Variants in PHF20 observed in about 807,000 individuals in gnomAD.
PHF20 encodes glioma-expressed antigen 2.
Under a neutral mutation model 113.5 loss-of-function variants are expected in PHF20, and 23 were observed. That is an observed-to-expected ratio of 0.20 (90% CI 0.15 to 0.29). The LOEUF is 0.29. Ranked by LOEUF, PHF20 falls within the 10% of genes least tolerant of loss-of-function variation. PHF20 has a pLI of 1.00. For synonymous variants in PHF20, 434 were observed against 457.3 expected (o/e 0.95, Z 0.65); for missense variants, 943 against 1,219.6 (o/e 0.77, Z 3.38).
At chr20:35,856,989 G>C (rs2042840245) in intron 4 of PHF20, among the ~76,000 whole-genome samples, 1 of 152,166 alleles carries the variant, frequency 6.6e-6, no homozygotes, top group Admixed American at 6.5e-5. Flanking sequence ...TTGAGGACTG[G>C]CGGTGGAGGG....
intron 6 of PHF20, among the ~76,000 whole-genome samples, chr20:35,867,243 G>A (rs923682640): frequency 1.3e-5 from 2 of 151,824 alleles, no homozygotes; most frequent in Non-Finnish European, 2.9e-5. Context: ...TATTTAGAGA[G>A]GGTTGTTTAT....
chr20:35,825,282 TG>T (rs1287231352), intron 2 of PHF20, among the ~76,000 whole-genome samples: 3 of 152,004 alleles, frequency 2.0e-5, no homozygotes, highest in Admixed American at 1.3e-4. Context: ...TCAGGCCTCC[TG>T]GGTAGTTGGG....
chr20:35,939,098 G>A lies in PHF20; in HGVS notation c.2702G>A (p.Gly901Asp). 1.2e-6 allele frequency: 2 copies of A among 1,604,922 alleles called. No individual in the cohort carries two copies. Among genetic ancestry groups the A allele is most frequent in the Non-Finnish European group, 1.7e-6 (2 of 1,174,622 alleles). ...RSKGDSDPKP[G>D]SPKVKEYVSK... ...AAGGGGGACAGTGACCCCAAACCCG[G>A]CTCCCCAAAGGTATGTGGCTGCCTT... The change falls in exon 16 of 18, where the codon GGC (glycine) becomes GAC (aspartate). Residue 901 changes from glycine to aspartate, a missense_variant. Gly to Asp is a moderately conservative substitution (Grantham distance 94). This residue lies in a region of PHF20 where 349 missense variants were observed against 412.3 expected (regional missense o/e 0.85). Coordinates refer to ENST00000374012, the MANE Select transcript of PHF20 (RefSeq NM_016436.5).
intron 2 of PHF20, among the ~76,000 whole-genome samples, chr20:35,825,955 C>T (rs2042253357): frequency 6.6e-6 from 1 of 152,100 alleles, no homozygotes. Context: ...AGATATGGAC[C>T]ATTATGGGCA....
chr20:35,798,455 T>C (rs2041711759), intron 1 of PHF20, among the ~76,000 whole-genome samples: 1 of 151,980 alleles, frequency 6.6e-6, no homozygotes, highest in South Asian at 2.1e-4. Context: ...TCTTTTCTTT[T>C]CTTTTCTTTT....
At position 35,871,819 on chromosome 20, in the gene PHF20, G is replaced by A. The variant is rs1344632255; in HGVS notation, c.1272G>A (p.Ser424=). 2.5e-6 allele frequency: 4 copies of A among 1,609,024 alleles called. No individual in the cohort carries two copies. The highest frequency in any genetic ancestry group is 1.7e-5 in the Admixed American group (1 of 59,696). The part of the protein sequence containing the change: ...TSPLVELQEI[S]TVEVTNTFKK... ...CCCTTGTGGAATTACAAGAGATTTC[G>A]ACTGTGGAAGGTTCATATTTAGAGT... Residue 424 remains serine, a synonymous_variant, in exon 9 of 18, where the codon TCG becomes TCA. Transcript: ENST00000374012.
intron 3 of PHF20, among the ~76,000 whole-genome samples, chr20:35,844,494 T>C (rs2042587206): frequency 6.8e-6 from 1 of 147,378 alleles, no homozygotes; most frequent in South Asian, 2.2e-4. Context: ...CCTCACTCTG[T>C]CATTATAAAA....
intron 1 of PHF20, among the ~76,000 whole-genome samples, chr20:35,786,401 A>G (rs557258331): frequency 3.3e-4 from 50 of 149,266 alleles, no homozygotes; most frequent in African/African-American, 1.2e-3. Flanking sequence ...ATAAATAAAT[A>G]AATAAATAAG....
intron 3 of PHF20, among the ~76,000 whole-genome samples, chr20:35,844,377 C>T (rs1466008785): frequency 1.3e-5 from 2 of 150,488 alleles, no homozygotes; most frequent in Admixed American, 6.6e-5. Flanking sequence ...CCTGGCATTA[C>T]AGGTGTGAGC....
intron 17 of PHF20, among the ~76,000 whole-genome samples, chr20:35,943,844 C>T (rs943144727): frequency 2.6e-5 from 4 of 152,114 alleles, no homozygotes; most frequent in Admixed American, 2.0e-4. Flanking sequence ...TGGTCTCGAT[C>T]TCCTGACCTC....
intron 7 of PHF20, 136 bp downstream of exon 7, chr20:35,869,687 G>A (rs2054383677): frequency 1.5e-6 from 1 of 669,052 alleles, no homozygotes; most frequent in South Asian, 1.8e-5. Context: ...TGAGTTGGAT[G>A]CAGTTGGATC....
intron 2 of PHF20, among the ~76,000 whole-genome samples, chr20:35,826,779 G>T (rs1203303365): frequency 2.0e-5 from 3 of 152,142 alleles, no homozygotes; most frequent in African/African-American, 4.8e-5. Context: ...CAGGCATTCT[G>T]CTGGGTACTG....
intron 5 of PHF20, among the ~76,000 whole-genome samples, chr20:35,862,209 C>A (rs2054230159): frequency 6.6e-6 from 1 of 152,170 alleles, no homozygotes; most frequent in African/African-American, 2.4e-5. Context: ...ACAGCCTTTA[C>A]CTGATAGAGA....
At chr20:35,944,862 C>T (rs1209319528) in intron 17 of PHF20, among the ~76,000 whole-genome samples, 1 of 152,208 alleles carries the variant, frequency 6.6e-6, no homozygotes, top group Admixed American at 6.5e-5. Flanking sequence ...CGTCCGGCCT[C>T]TCCATTTATT....
intron 9 of PHF20, among the ~76,000 whole-genome samples, chr20:35,883,027 CAAAAAAA>C (rs971975145): frequency 2.0e-4 from 13 of 63,490 alleles, no homozygotes; most frequent in East Asian, 8.9e-4. Flanking sequence ...CACTCTGTCT[CAAAAAAA>C]AAAAAAAAAG....
At chr20:35,923,074 C>T (rs2055549220) in intron 13 of PHF20, among the ~76,000 whole-genome samples, 1 of 152,166 alleles carries the variant, frequency 6.6e-6, no homozygotes, top group African/African-American at 2.4e-5. Context: ...GAGATTGTAC[C>T]ACTGCACTAC....
intron 1 of PHF20, among the ~76,000 whole-genome samples, chr20:35,796,510 G>A (rs1010219863): frequency 1.3e-5 from 2 of 152,074 alleles, no homozygotes; most frequent in Non-Finnish European, 2.9e-5. Context: ...TCTAGATTAA[G>A]GTATAAAAAG....
chr20:35,833,312 AT>A (rs1030356391), intron 2 of PHF20, among the ~76,000 whole-genome samples: 1 of 151,924 alleles, frequency 6.6e-6, no homozygotes, highest in African/African-American at 2.4e-5. Flanking sequence ...TTTATTATGA[AT>A]TTTTGCTTAT....
intron 4 of PHF20, chr20:35,850,712 AG>A: frequency 2.6e-6 from 1 of 386,866 alleles, no homozygotes. Context: ...CTCTGCCAAC[AG>A]GGGATGGGTT....
Sources: gnomAD v4.1 joint callset for allele counts (sites outside exome capture counted in the v4.1 genomes callset) on GRCh38, gnomAD v4.1.1 for gene constraint, gnomAD v4.1.1 regional missense constraint, MANE v1.5 for transcripts, NCBI Gene and HGNC (gene_info 2026-07-23, HGNC 2026-07-21) for gene names.